The following STXBP5 variants were observed in gnomAD, a reference collection of about 807,000 sequenced individuals.
STXBP5 encodes the protein syntaxin-binding protein 5.
STXBP5 carries 50 observed loss-of-function variants against 152.4 expected under a neutral mutation model. That is an observed-to-expected ratio of 0.33 (90% CI 0.26 to 0.42). STXBP5 has a LOEUF of 0.42. Among genes scored for constraint, STXBP5 ranks in the 10% least tolerant of loss-of-function variants. The pLI is 1.00. For synonymous variants in STXBP5, 492 were observed against 494.7 expected, an observed-to-expected ratio of 0.99 and a Z score of 0.07; for missense variants, 1,167 against 1,388.6, an observed-to-expected ratio of 0.84 and a Z score of 2.54.
intron 16 of STXBP5, among the ~76,000 whole-genome samples, chr6:147,316,694 T>C (rs1281697630): frequency 6.6e-6 from 1 of 152,200 alleles, no homozygotes; most frequent in African/African-American, 2.4e-5. Flanking sequence ...TCTAAATCCA[T>C]CAGTGTTTTT....
chr6:147,321,068 G>A (rs376833960), intron 16 of STXBP5, among the ~76,000 whole-genome samples: 177 of 152,230 alleles, frequency 1.2e-3, no homozygotes, highest in African/African-American at 4.1e-3. Context: ...AAGACATAAA[G>A]TACAAGTTTT....
intron 2 of STXBP5, among the ~76,000 whole-genome samples, chr6:147,233,466 G>C (rs962115315): frequency 6.6e-6 from 1 of 151,652 alleles, no homozygotes; most frequent in African/African-American, 2.4e-5. Context: ...TGTATGTTTT[G>C]TGATAATATT....
chr6:147,343,741 A>G (rs546411265), intron 21 of STXBP5, among the ~76,000 whole-genome samples: 2 of 152,354 alleles, frequency 1.3e-5, no homozygotes, highest in South Asian at 4.1e-4. Context: ...TATGAATGAA[A>G]AAGTGTATAT....
At chr6:147,319,309 GC>G (rs1355986932) in intron 16 of STXBP5, among the ~76,000 whole-genome samples, 1 of 151,622 alleles carries the variant, frequency 6.6e-6, no homozygotes, top group Non-Finnish European at 1.5e-5. Flanking sequence ...AATTTGATTA[GC>G]CTGGAATTAT....
chr6:147,348,198 A>G (rs758954959), intron 21 of STXBP5, among the ~76,000 whole-genome samples: 78 of 152,196 alleles, frequency 5.1e-4, no homozygotes, highest in Non-Finnish European at 9.7e-4. Flanking sequence ...AACCCAAGTC[A>G]ACATTGCCAC....
At chr6:147,321,687 T>C (rs1021147183) in intron 16 of STXBP5, among the ~76,000 whole-genome samples, 1 of 152,224 alleles carries the variant, frequency 6.6e-6, no homozygotes, top group South Asian at 2.1e-4. Flanking sequence ...GCTCAAACAA[T>C]CATTTTGAAA....
chr6:147,236,557 C>G (rs906293538), intron 3 of STXBP5, among the ~76,000 whole-genome samples: 2 of 150,380 alleles, frequency 1.3e-5, no homozygotes, highest in African/African-American at 4.9e-5. Flanking sequence ...GACTATAGAC[C>G]TTTATTTAGA....
chr6:147,265,363 A>G (rs574255476), intron 6 of STXBP5, among the ~76,000 whole-genome samples: 38 of 152,206 alleles, frequency 2.5e-4, no homozygotes, highest in African/African-American at 8.4e-4. Context: ...ATATCCCCAG[A>G]TTACCCAAAC....
In STXBP5 at chr6:147,262,342, G is replaced by A; in HGVS notation, c.619G>A (p.Asp207Asn). 6.4e-7 allele frequency: 1 copy of A among 1,563,198 alleles called. No individual in the cohort carries two copies. Among genetic ancestry groups the A allele is most frequent in the South Asian group, 1.2e-5 (1 of 80,196 alleles). ...GGTCCATATAAGTGATAATCCAATGGACGAGGGAAAGGTAGAATTTTTTGT... is the reference window on the plus strand; with the variant it reads ...GGTCCATATAAGTGATAATCCAATGAACGAGGGAAAGGTAGAATTTTTTGT... ...PVVHISDNPMDEGKLLIGFES... is the reference protein window; with the variant it reads ...PVVHISDNPMNEGKLLIGFES... Residue 207 changes from aspartate to asparagine, a missense_variant, in exon 6 of 28, where the codon GAC becomes AAC. By Grantham distance (23) the Asp-to-Asn change is conservative. Transcript: ENST00000321680.
chr6:147,271,455 A>G (rs867338258), intron 7 of STXBP5, among the ~76,000 whole-genome samples: 1 of 152,170 alleles, frequency 6.6e-6, no homozygotes, highest in African/African-American at 2.4e-5. Context: ...TTAAACTCAT[A>G]TAAAATGTTA....
intron 10 of STXBP5, among the ~76,000 whole-genome samples, chr6:147,310,948 T>C (rs1782345544): frequency 6.6e-6 from 1 of 152,100 alleles, no homozygotes; most frequent in Non-Finnish European, 1.5e-5. Flanking sequence ...TATAGACAAA[T>C]TGACACATAC....
intron 3 of STXBP5, among the ~76,000 whole-genome samples, chr6:147,238,892 A>C (rs1268568500): frequency 1.3e-5 from 2 of 152,176 alleles, no homozygotes; most frequent in African/African-American, 4.8e-5. Flanking sequence ...CTAGATCTTA[A>C]CCATACTAAT....
chr6:147,205,923 A>T, intron 1 of STXBP5, 48 bp from the exon 2 acceptor site: 1 of 1,469,960 alleles, frequency 6.8e-7, no homozygotes. Context: ...CTATTTTAAA[A>T]TTTCGCTTGC....
intron 8 of STXBP5, among the ~76,000 whole-genome samples, chr6:147,284,758 G>A (rs1490022286): frequency 1.3e-5 from 2 of 152,196 alleles, no homozygotes; most frequent in Non-Finnish European, 2.9e-5. Context: ...AGTTTAAAAC[G>A]CCTTTGGGCA....
chr6:147,291,160 C>T lies in STXBP5; in HGVS notation c.905C>T (p.Thr302Met), dbSNP rs1260626699. 2.5e-6 allele frequency: 4 copies of T among 1,612,206 alleles called. No individual in the cohort carries two copies. The highest frequency in any genetic ancestry group is 1.3e-5 in the African/African-American group (1 of 74,854). Residue 302 changes from threonine (T) to methionine (M), a missense_variant, in exon 9 of 28, where the codon ACG becomes ATG. Around this residue, in one of 3 missense-constraint regions of STXBP5, gnomAD observed 24 missense variants for 56.2 expected, o/e 0.43. Transcript: ENST00000321680. ...CCTATCCTCAAGGTGGAATTCAAAA[C>T]GACTAGATCTGGGTAAGATTTTACT... ...CKPILKVEFKTTRSGEPFIIL... is the reference protein window; with the variant it reads ...CKPILKVEFKMTRSGEPFIIL...
At chr6:147,308,675 A>C (rs1782218946) in intron 9 of STXBP5, among the ~76,000 whole-genome samples, 1 of 152,214 alleles carries the variant, frequency 6.6e-6, no homozygotes, top group Admixed American at 6.6e-5. Flanking sequence ...GTGTAGTTTC[A>C]TAAAAGTATT....
intron 2 of STXBP5, among the ~76,000 whole-genome samples, chr6:147,222,321 C>T (rs547848716): frequency 6.6e-6 from 1 of 152,108 alleles, no homozygotes. Flanking sequence ...TTCCTGATAT[C>T]GGGACATGAT....
chr6:147,349,945 G>A (rs1784514817), intron 21 of STXBP5, among the ~76,000 whole-genome samples: 1 of 152,138 alleles, frequency 6.6e-6, no homozygotes, highest in South Asian at 2.1e-4. Flanking sequence ...CAAGGAGATT[G>A]CTTAAAATTT....
At chr6:147,285,399 T>C (rs1047589368) in intron 8 of STXBP5, among the ~76,000 whole-genome samples, 1 of 152,106 alleles carries the variant, frequency 6.6e-6, no homozygotes, top group Admixed American at 6.6e-5. Flanking sequence ...GATGAATAAA[T>C]AAACCTATCT....
Sources: allele counts gnomAD v4.1 joint callset (sites outside exome capture counted in the v4.1 genomes callset), GRCh38; gene constraint gnomAD v4.1.1; regional missense constraint gnomAD v4.1.1; transcripts MANE v1.5; gene names NCBI Gene and HGNC (gene_info 2026-07-23, HGNC 2026-07-21).